DSN1: variants seen among roughly 807,000 people sequenced by gnomAD.
The protein encoded by DSN1 is kinetochore-associated protein DSN1 homolog.
DSN1 carries 31 observed loss-of-function variants against 45.7 expected under a neutral mutation model. The ratio of observed to expected loss-of-function variants is 0.68; its 90% CI spans 0.51 to 0.92. The LOEUF (loss-of-function observed/expected upper bound fraction) is 0.92, where lower values mean the gene tolerates loss of function less well. DSN1 is among the 40% of genes least tolerant of loss of function. The pLI is 0.00. For synonymous variants in DSN1, 134 were observed against 142.3 expected (o/e 0.94, Z 0.41); for missense variants, 394 against 414.2 (o/e 0.95, Z 0.42).
intron 6 of DSN1, among the ~76,000 whole-genome samples, chr20:36,759,197 G>T (rs1986841181): frequency 6.6e-6 from 1 of 151,718 alleles, no homozygotes; most frequent in African/African-American, 2.4e-5. Flanking sequence ...TGGCCAGGCT[G>T]GTCTCAAACT....
At chr20:36,762,683 G>A in intron 5 of DSN1, 135 bp from the exon 6 acceptor site, 2 of 605,784 alleles carry the variant, frequency 3.3e-6, no homozygotes, top group East Asian at 3.1e-5. Context: ...ACCCAAAAGT[G>A]TGGAGTTAAG....
chr20:36,759,351 G>A (rs1446820747), intron 6 of DSN1, among the ~76,000 whole-genome samples: 1 of 152,144 alleles, frequency 6.6e-6, no homozygotes, highest in East Asian at 1.9e-4. Context: ...CTGGGCTCAA[G>A]TGATCCTCCC....
At chr20:36,770,807 AT>A in intron 3 of DSN1, 65 bp downstream of exon 3, 1 of 1,519,328 alleles carries the variant, frequency 6.6e-7, no homozygotes, top group Non-Finnish European at 8.8e-7. Context: ...ACTGCCTCTT[AT>A]CTGAGCTGGA....
rs533386223 is a variant in DSN1 at position 36,764,811 on chromosome 20, T to C, written c.502+1958A>G. Reference sequence around the variant, plus strand: ...GGTGCATGCCTGTAATCCCAGCTACTCCAGAGGCTGAGGCAGAAGACTCGC... The same window carrying C: ...GGTGCATGCCTGTAATCCCAGCTACCCCAGAGGCTGAGGCAGAAGACTCGC... On this transcript the variant is annotated intron_variant, in intron 5 of 10. Transcript: ENST00000373750. Among the ~76,000 whole-genome samples the C allele has an allele frequency of 3.9e-4, 59 of 151,474 alleles. No individual in the cohort carries two copies. In the South Asian group the frequency reaches 0.012, roughly 31 times the overall value.
chr20:36,762,624 T>C (rs1220366207), intron 5 of DSN1, 76 bp from the exon 6 acceptor site: 1 of 1,365,878 alleles, frequency 7.3e-7, no homozygotes, highest in Non-Finnish European at 1.0e-6. Flanking sequence ...CAAAGGTATA[T>C]TAAGGTAGTC....
intron 6 of DSN1, among the ~76,000 whole-genome samples, chr20:36,760,198 C>G (rs1021602190): frequency 6.6e-6 from 1 of 151,378 alleles, no homozygotes; most frequent in African/African-American, 2.4e-5. Context: ...GAGCTGAGAT[C>G]GTGCCACTGC....
At chr20:36,753,178 T>TAA (rs1299503205) in intron 10 of DSN1, among the ~76,000 whole-genome samples, 1 of 122,820 alleles carries the variant, frequency 8.1e-6, no homozygotes, top group African/African-American at 3.4e-5. Context: ...ACCTTGTCTC[T>TAA]ACAAAAAAAA....
chr20:36,762,470 T>A lies in DSN1; in HGVS notation c.581A>T (p.Asp194Val). 1 of 1,613,456 alleles carries A rather than the reference T, an allele frequency of 6.2e-7. No individual in the cohort carries two copies. Among genetic ancestry groups the A allele is most frequent in the Non-Finnish European group, 8.5e-7 (1 of 1,179,718 alleles). Residue 194 changes from aspartate to valine, a missense_variant, in exon 6 of 11, where the codon GAT (aspartate) becomes GTT (valine). By Grantham distance (152) the Asp-to-Val change is radical. Coordinates refer to ENST00000373750, the MANE Select transcript of DSN1 (RefSeq NM_001145315.2). The part of the protein sequence containing the change: ...TDGTLQKCFE[D>V]SNGKASDFSL... The stretch of plus-strand genomic sequence containing the variant: ...GGGGAACTGCTCTTACCCATTTGAA[T>A]CTTCAAAACATTTTTGTAGAGTTCC...
At chr20:36,771,267 A>G in intron 2 of DSN1, 74 bp from the exon 3 acceptor site, 1 of 1,522,712 alleles carries the variant, frequency 6.6e-7, no homozygotes, top group Non-Finnish European at 8.9e-7. Context: ...AAGTGGAAAA[A>G]GTAAATGTAT....
At chr20:36,767,730 T>A (rs1313079876) in intron 4 of DSN1, among the ~76,000 whole-genome samples, 2 of 152,078 alleles carry the variant, frequency 1.3e-5, no homozygotes, top group Non-Finnish European at 2.9e-5. Context: ...GGTGAAACCC[T>A]GTCTCTACTA....
chr20:36,762,602 G>A (rs1485755787), intron 5 of DSN1, 54 bp from the exon 6 acceptor site: 3 of 1,515,274 alleles, frequency 2.0e-6, no homozygotes, highest in Non-Finnish European at 2.7e-6. Context: ...CGTTTTCATA[G>A]TGAGATGCTG....
chr20:36,772,005 T>G (rs1987674837), intron 1 of DSN1, among the ~76,000 whole-genome samples: 1 of 152,138 alleles, frequency 6.6e-6, no homozygotes. Flanking sequence ...CTCAGCCTCC[T>G]GAGTAGCTGG....
intron 1 of DSN1, among the ~76,000 whole-genome samples, chr20:36,772,581 C>T (rs1339686602): frequency 6.6e-6 from 1 of 152,238 alleles, no homozygotes; most frequent in African/African-American, 2.4e-5. Context: ...TGAGCCACCA[C>T]ACCCGGCCCA....
intron 6 of DSN1, 27 bp downstream of exon 6, chr20:36,762,434 T>G: frequency 7.5e-6 from 12 of 1,603,666 alleles, no homozygotes; most frequent in Non-Finnish European, 1.0e-5. Context: ...CAATCATAAT[T>G]TAGGACAGAA....
At chr20:36,761,982 C>A (rs141924913) in intron 6 of DSN1, among the ~76,000 whole-genome samples, 1 of 151,696 alleles carries the variant, frequency 6.6e-6, no homozygotes, top group Non-Finnish European at 1.5e-5. Context: ...GCACTCCAGC[C>A]TGGGGTACAG....
intron 10 of DSN1, among the ~76,000 whole-genome samples, chr20:36,754,227 TG>T (rs1262624957): frequency 1.3e-5 from 2 of 151,964 alleles, no homozygotes; most frequent in Non-Finnish European, 2.9e-5. Flanking sequence ...CCAGCTACTC[TG>T]GGAGCCTGAG....
intron 4 of DSN1, among the ~76,000 whole-genome samples, chr20:36,767,056 A>G (rs967792720): frequency 6.6e-6 from 1 of 152,110 alleles, no homozygotes; most frequent in Non-Finnish European, 1.5e-5. Context: ...CTGTAATCCC[A>G]GCACTTTGGG....
intron 3 of DSN1, 42 bp downstream of exon 3, chr20:36,770,831 T>C: frequency 5.1e-6 from 8 of 1,555,308 alleles, no homozygotes; most frequent in East Asian, 2.2e-5. Flanking sequence ...CTGTCTCTTA[T>C]CTGAGCTGGA....
rs944700439 is a variant in DSN1 at position 36,758,589 on chromosome 20, A to T, written c.619T>A (p.Ser207Thr). The T allele has an allele frequency of 3.1e-6, 5 of 1,611,612 alleles. No individual in the cohort carries two copies. The African/African-American group carries it at 6.7e-5, about 22-fold the overall frequency. ...GKASDFSLEASVAEMKEYITK... is the reference protein window; with the variant it reads ...GKASDFSLEATVAEMKEYITK... The stretch of plus-strand genomic sequence containing the variant: ...ATGTATTCCTTCATCTCAGCCACAG[A>T]TGCTTCCAAAGAAAAATCTGATGCT... The change falls in exon 7 of 11, where the codon TCT becomes ACT. Residue 207 changes from serine (S) to threonine (T), a missense_variant. Ser to Thr is a moderately conservative substitution (Grantham distance 58, BLOSUM62 1). Transcript: ENST00000373750.
Sources: allele counts gnomAD v4.1 joint callset (sites outside exome capture counted in the v4.1 genomes callset), GRCh38; gene constraint gnomAD v4.1.1; transcripts MANE v1.5; gene names NCBI Gene and HGNC (gene_info 2026-07-23, HGNC 2026-07-21).